Variants in PLCH2 observed in about 807,000 individuals in gnomAD.
PLCH2 encodes phospholipase C eta 2.
A neutral mutation model predicts 134.7 loss-of-function variants in PLCH2; 98 were observed. That is an observed-to-expected ratio of 0.73 (90% CI 0.62 to 0.86). The LOEUF is 0.86. Ranked by LOEUF, PLCH2 falls within the 40% of genes least tolerant of loss-of-function variation. The pLI is 0.00. For synonymous variants in PLCH2, 974 were observed against 827.5 expected, an observed-to-expected ratio of 1.18 and a Z score of -3.04; for missense variants, 1,994 against 1,986.6, an observed-to-expected ratio of 1.00 and a Z score of -0.07.
At position 2,496,718 on chromosome 1, in the gene PLCH2, G is replaced by C; in HGVS notation, c.1933+14G>C. 6.2e-7 allele frequency: 1 copy of C among 1,610,012 alleles called. No individual in the cohort carries two copies. Among genetic ancestry groups the C allele is most frequent in the Non-Finnish European group, 8.5e-7 (1 of 1,178,702 alleles). ...TAGAGATGGAGGGTGAGTGGCTCGG[G>C]GACCTGGGGCCACGGGCGGAGGCCT... On this transcript the variant is annotated intron_variant, in intron 14 of 21. Coordinates refer to ENST00000378486, the MANE Select transcript of PLCH2 (RefSeq NM_014638.4).
intron 19 of PLCH2, 128 bp downstream of exon 19, chr1:2,499,358 G>A: frequency 8.5e-7 from 1 of 1,170,422 alleles, no homozygotes; most frequent in Non-Finnish European, 1.2e-6. Flanking sequence ...GACAGGAGCT[G>A]AGGACGGGAG....
chr1:2,501,895 A>C (rs1643244501), intron 20 of PLCH2: 1 of 494,194 alleles, frequency 2.0e-6, no homozygotes, highest in African/African-American at 2.0e-5. Context: ...GTGTACTTAG[A>C]TCTGTAGCAG....
chr1:2,494,567 C>T, intron 11 of PLCH2: 1 of 544,390 alleles, frequency 1.8e-6, no homozygotes, highest in East Asian at 3.2e-5. Context: ...TTTAAAACAA[C>T]ACATGAGAGA....
upstream of PLCH2, among the ~76,000 whole-genome samples, chr1:2,424,857 G>A (rs1369042617): frequency 2.6e-5 from 4 of 152,108 alleles, no homozygotes; most frequent in African/African-American, 9.7e-5. Context: ...ATGGTGGCGG[G>A]CGCCTGTAGT....
intron 1 of PLCH2, among the ~76,000 whole-genome samples, chr1:2,470,711 C>T (rs1570372585): frequency 6.6e-6 from 1 of 152,276 alleles, no homozygotes; most frequent in African/African-American, 2.4e-5. Context: ...ACCACTTGGC[C>T]CGAGGACCCT....
chr1:2,445,395 C>G (rs1639894055), intron 2 of PLCH2, among the ~76,000 whole-genome samples: 1 of 152,184 alleles, frequency 6.6e-6, no homozygotes, highest in African/African-American at 2.4e-5. Context: ...GAGGCTGGAA[C>G]AGGCCTGGGC....
intron 2 of PLCH2, among the ~76,000 whole-genome samples, chr1:2,450,790 G>A (rs1051161214): frequency 8.9e-5 from 12 of 135,292 alleles, no homozygotes; most frequent in Non-Finnish European, 6.3e-5. Flanking sequence ...TGGACCAGGC[G>A]CGTTCAAGGC....
chr1:2,422,271 A>AAAACAAAC (rs70954602), upstream of PLCH2, among the ~76,000 whole-genome samples: 2 of 151,890 alleles, frequency 1.3e-5, no homozygotes, highest in Admixed American at 6.5e-5. Flanking sequence ...TCCACCTCAA[A>AAAACAAAC]AAACAAACAA....
chr1:2,491,381 G>A (rs568881858), intron 11 of PLCH2, 46 bp downstream of exon 11: 30 of 1,590,686 alleles, frequency 1.9e-5, no homozygotes, highest in South Asian at 1.4e-4. Context: ...AGGCCCCCCC[G>A]ACAGCCAGCC....
intron 2 of PLCH2, among the ~76,000 whole-genome samples, chr1:2,459,997 G>A (rs1172004102): frequency 1.3e-5 from 2 of 152,188 alleles, no homozygotes; most frequent in African/African-American, 2.4e-5. Context: ...GGCTCCAAGC[G>A]AGCACCCTGA....
At chr1:2,497,923 C>T (rs1642986431) in intron 16 of PLCH2, 2 of 352,636 alleles carry the variant, frequency 5.7e-6, no homozygotes, top group Non-Finnish European at 5.2e-6. Context: ...GCGACCCAGC[C>T]CCCTGTGCCT....
chr1:2,437,847 G>A (rs75963738), intron 2 of PLCH2, among the ~76,000 whole-genome samples: 5,248 of 152,130 alleles, frequency 0.034, 121 homozygotes, highest in Non-Finnish European at 0.049. Flanking sequence ...AACCACACAC[G>A]TGCACACACA....
At chr1:2,495,444 C>A (rs35113838) in intron 12 of PLCH2, 44 bp from the exon 13 acceptor site, 11 of 1,522,710 alleles carry the variant, frequency 7.2e-6, no homozygotes, top group Non-Finnish European at 9.8e-6. Flanking sequence ...AAGGCCTGGC[C>A]TGGGCCAGAG....
At chr1:2,458,014 G>A (rs981487832) in intron 2 of PLCH2, among the ~76,000 whole-genome samples, 7 of 152,198 alleles carry the variant, frequency 4.6e-5, no homozygotes, top group African/African-American at 1.7e-4. Flanking sequence ...ACAGGCAAGG[G>A]GCTGGTGGGC....
chr1:2,420,636 CAGAG>C, the PLCH2 span, among the ~76,000 whole-genome samples: 1 of 152,154 alleles, frequency 6.6e-6, no homozygotes, highest in Non-Finnish European at 1.5e-5. Flanking sequence ...GAAACTGAGT[CAGAG>C]AGGGAGAGTT....
At chr1:2,426,282 G>T (rs1638793578) in intron 1 of PLCH2, among the ~76,000 whole-genome samples, 1 of 152,332 alleles carries the variant, frequency 6.6e-6, no homozygotes, top group Non-Finnish European at 1.5e-5. Flanking sequence ...GGGTTATGTG[G>T]GCCACACTCT....
chr1:2,502,131 T>C lies in PLCH2; in HGVS notation c.2681T>C (p.Leu894Pro), dbSNP rs1227835470. ...ISGKVKQALG[L>P]KGLFLRGPKP... Reference sequence around the variant, plus strand: ...TTGCAGGTCAAGCAGGCTCTGGGCCTAAAAGGCCTCTTCCTCCGAGGCCCA... The same window carrying C: ...TTGCAGGTCAAGCAGGCTCTGGGCCCAAAAGGCCTCTTCCTCCGAGGCCCA... The change falls in exon 21 of 22, where the codon CTA (leucine) becomes CCA (proline). Residue 894 changes from leucine (L) to proline (P), a missense_variant. Coordinates refer to ENST00000378486, the MANE Select transcript of PLCH2 (RefSeq NM_014638.4). 5 of 1,461,672 alleles carry C rather than the reference T, an allele frequency of 3.4e-6. No individual in the cohort carries two copies. The highest frequency in any genetic ancestry group is 1.5e-5 in the African/African-American group (1 of 68,362). The allele number at this position is 1,461,672 out of a possible 1,614,324, so 90.5% of individuals were successfully genotyped here.
At chr1:2,473,665 C>T (rs1384664228), upstream of PLCH2, among the ~76,000 whole-genome samples, 2 of 152,210 alleles carry the variant, frequency 1.3e-5, no homozygotes, top group Non-Finnish European at 2.9e-5. Flanking sequence ...TGGATCATGG[C>T]CTCACAGGGA....
chr1:2,502,105 C>T lies in PLCH2; in HGVS notation c.2662-7C>T. The T allele has an allele frequency of 7.0e-7, 1 of 1,430,848 alleles. No individual in the cohort carries two copies. The allele number at this position is 1,430,848 out of a possible 1,614,324, so 88.6% of individuals were successfully genotyped here. A position where few individuals can be genotyped will look rare whatever the true frequency, so the allele number is the denominator to read the frequency against. On this transcript the variant is annotated splice_polypyrimidine_tract_variant and splice_region_variant and intron_variant, in intron 20 of 21. Transcript: ENST00000378486. ...GGCAACAGCTACATGGGCTCCTTCT[C>T]TTGCAGGTCAAGCAGGCTCTGGGCC...
Sources: allele counts gnomAD v4.1 joint callset (sites outside exome capture counted in the v4.1 genomes callset), GRCh38; gene constraint gnomAD v4.1.1; transcripts MANE v1.5; gene names NCBI Gene and HGNC (gene_info 2026-07-23, HGNC 2026-07-21).